TOX: variants seen among roughly 807,000 people sequenced by gnomAD.
TOX encodes thymocyte selection associated high mobility group box, also known as thymocyte selection-associated high mobility group box protein TOX.
In TOX, 11 loss-of-function variants were observed where a neutral mutation model predicts 53.7. The ratio of observed to expected loss-of-function variants is 0.20; its 90% CI spans 0.13 to 0.34. TOX has a LOEUF of 0.34. Ranked by LOEUF, TOX falls within the 10% of genes least tolerant of loss-of-function variation. The probability of loss-of-function intolerance (pLI) is 1.00; values close to 1 mark genes in which losing one functional copy is unlikely to be tolerated. For missense variants in TOX, 570 were observed against 664.6 expected (o/e 0.86, Z 1.56); for synonymous variants, 225 against 245.3 (o/e 0.92, Z 0.77).
chr8:59,018,233 A>ATCTTC (rs1390764982), intron 1 of TOX, among the ~76,000 whole-genome samples: 2 of 152,150 alleles, frequency 1.3e-5, no homozygotes, highest in African/African-American at 2.4e-5. Context: ...GTTTTACACC[A>ATCTTC]TCTTCTCAGG....
intron 3 of TOX, among the ~76,000 whole-genome samples, chr8:58,907,692 C>A (rs1216586134): frequency 6.6e-6 from 1 of 152,136 alleles, no homozygotes; most frequent in Non-Finnish European, 1.5e-5. Context: ...CAGAATTGGA[C>A]CCCACATCCG....
chr8:58,928,492 A>G (rs1444583913), intron 3 of TOX, among the ~76,000 whole-genome samples: 2 of 151,784 alleles, frequency 1.3e-5, no homozygotes, highest in African/African-American at 4.8e-5. Flanking sequence ...AACCTAATCA[A>G]CACATGAATG....
intron 3 of TOX, among the ~76,000 whole-genome samples, chr8:58,890,468 G>A (rs1002463833): frequency 3.9e-5 from 6 of 152,054 alleles, no homozygotes; most frequent in Admixed American, 6.6e-5. Flanking sequence ...CATAAGAAGC[G>A]TTCATACAAT....
At position 59,115,594 on chromosome 8, in the gene TOX, CTATG is replaced by C. The variant is rs67419969; in HGVS notation, c.102+3288_102+3291del. 2.8e-3 allele frequency among the ~76,000 whole-genome samples: 423 copies of C among 152,322 alleles called. 1 individual carries two copies. The highest frequency in any genetic ancestry group is 0.014 in the Middle Eastern group (4 of 294). On this transcript the variant is annotated intron_variant, in intron 1 of 8. Transcript: ENST00000361421. ...AATAGTCTAATTAGATGAAACTCCA[CTATG>C]GTACTCATCTTTCAATGTCTGAAAT...
chr8:58,927,360 A>G (rs942036642), intron 3 of TOX, among the ~76,000 whole-genome samples: 22 of 152,282 alleles, frequency 1.4e-4, no homozygotes, highest in African/African-American at 5.3e-4. Context: ...GAGGTTTCCA[A>G]TGCAAATTTA....
At chr8:58,842,289 A>G (rs1017781517) in intron 4 of TOX, among the ~76,000 whole-genome samples, 1 of 152,072 alleles carries the variant, frequency 6.6e-6, no homozygotes, top group African/African-American at 2.4e-5. Context: ...CCATCCTTCA[A>G]TAGGCTGGGG....
chr8:58,932,484 T>C (rs1812272541), intron 3 of TOX, among the ~76,000 whole-genome samples: 1 of 152,216 alleles, frequency 6.6e-6, no homozygotes, highest in Admixed American at 6.5e-5. Flanking sequence ...CACCATTAAA[T>C]GGGCTGACAT....
Position 58,819,387 on chromosome 8 carries a change from A to ACCTT in TOX, c.1006-3667_1006-3664dup, listed in dbSNP as rs199710393. ...CTAGCTTGTAGACAACTGAAAATCA[A>ACCTT]CCTTTGAATCCCACACTTTCACAGA... On this transcript the variant is annotated intron_variant, in intron 6 of 8. Coordinates refer to ENST00000361421, the MANE Select transcript of TOX (RefSeq NM_014729.3). Among the ~76,000 whole-genome samples the ACCTT allele has an allele frequency of 3.3e-4, 51 of 152,334 alleles. No homozygotes were observed. In the East Asian group the frequency reaches 7.7e-3, roughly 23 times the overall value.
chr8:58,935,202 C>T (rs1018991616), intron 3 of TOX, among the ~76,000 whole-genome samples: 2 of 152,054 alleles, frequency 1.3e-5, no homozygotes, highest in African/African-American at 4.8e-5. Flanking sequence ...AGTAACACAT[C>T]TATAATATCT....
intron 1 of TOX, among the ~76,000 whole-genome samples, chr8:58,981,261 T>C (rs543446323): frequency 1.3e-5 from 2 of 152,324 alleles, no homozygotes; most frequent in South Asian, 4.1e-4. Context: ...TCCATCTTCC[T>C]TCCCAATTAC....
intron 3 of TOX, among the ~76,000 whole-genome samples, chr8:58,868,441 T>C (rs1250267877): frequency 6.6e-6 from 1 of 152,160 alleles, no homozygotes; most frequent in African/African-American, 2.4e-5. Context: ...TCCTGGGCTA[T>C]TATTAATTAA....
intron 1 of TOX, among the ~76,000 whole-genome samples, chr8:59,075,960 G>A (rs1333944687): frequency 4.0e-5 from 6 of 151,068 alleles, no homozygotes; most frequent in Non-Finnish European, 5.9e-5. Context: ...AGCCCAGATC[G>A]CGCCATTGCA....
At chr8:58,934,063 G>C (rs934826529) in intron 3 of TOX, among the ~76,000 whole-genome samples, 1 of 152,150 alleles carries the variant, frequency 6.6e-6, no homozygotes, top group Non-Finnish European at 1.5e-5. Flanking sequence ...GGAATGTTGA[G>C]AAAAATGGAA....
chr8:59,100,107 TAATC>T lies in TOX; in HGVS notation c.102+18775_102+18778del, dbSNP rs543852657. Among the ~76,000 whole-genome samples the T allele has an allele frequency of 3.6e-3, 545 of 152,110 alleles. 2 individuals are homozygous for T. Among genetic ancestry groups the T allele is most frequent in the Non-Finnish European group, 5.9e-3 (401 of 67,998 alleles). The stretch of plus-strand genomic sequence containing the variant: ...GTGAATTATTTGAAGTAGAAAATCT[TAATC>T]AACCTCTTTCAGGGAAAAGGAGCTC... On this transcript the variant is annotated intron_variant, in intron 1 of 8. Coordinates refer to ENST00000361421, the MANE Select transcript of TOX (RefSeq NM_014729.3).
At position 58,996,707 on chromosome 8, in the gene TOX, A is replaced by G. The variant is rs376238530; in HGVS notation, c.103-36699T>C. ...CTATGAAAAATATTTATAGACAAAT[A>G]CTTTTTATCGGCAATTTCTAGCCAC... On this transcript the variant is annotated intron_variant, in intron 1 of 8. Coordinates refer to ENST00000361421, the MANE Select transcript of TOX (RefSeq NM_014729.3). Among the ~76,000 whole-genome samples the G allele has an allele frequency of 7.7e-4, 118 of 152,338 alleles. 3 individuals are homozygous for G. The highest frequency in any genetic ancestry group is 7.7e-3 in the East Asian group (40 of 5,194).
chr8:59,042,766 T>C (rs1005390146), intron 1 of TOX, among the ~76,000 whole-genome samples: 1 of 152,216 alleles, frequency 6.6e-6, no homozygotes, highest in African/African-American at 2.4e-5. Flanking sequence ...AACATGGGTA[T>C]TAACTAGTCC....
chr8:58,933,137 G>A (rs1410956281), intron 3 of TOX, among the ~76,000 whole-genome samples: 2 of 152,098 alleles, frequency 1.3e-5, no homozygotes, highest in Non-Finnish European at 2.9e-5. Flanking sequence ...TTTCTTTGAG[G>A]CCATTCTAAA....
chr8:59,086,776 T>C (rs572933700), intron 1 of TOX, among the ~76,000 whole-genome samples: 59 of 152,360 alleles, frequency 3.9e-4, no homozygotes, highest in African/African-American at 1.3e-3. Flanking sequence ...ATTCAATCTG[T>C]ACATTAAGTC....
At chr8:59,052,248 C>T (rs1283384751) in intron 1 of TOX, among the ~76,000 whole-genome samples, 1 of 152,140 alleles carries the variant, frequency 6.6e-6, no homozygotes, top group Non-Finnish European at 1.5e-5. Flanking sequence ...TACAATTAAA[C>T]TTACAATCAT....
Sources: gnomAD v4.1 joint callset for allele counts (sites outside exome capture counted in the v4.1 genomes callset) on GRCh38, gnomAD v4.1.1 for gene constraint, MANE v1.5 for transcripts, NCBI Gene and HGNC (gene_info 2026-07-23, HGNC 2026-07-21) for gene names.